Variants in ATAD2B observed in about 807,000 individuals in gnomAD.
ATAD2B encodes ATPase family AAA domain-containing protein 2B.
In ATAD2B, 40 loss-of-function variants were observed where a neutral mutation model predicts 167.6. The ratio of observed to expected loss-of-function variants is 0.24; its 90% CI spans 0.19 to 0.31. ATAD2B has a LOEUF of 0.31. Among genes scored for constraint, ATAD2B ranks in the 10% least tolerant of loss-of-function variants. ATAD2B has a pLI of 1.00. For synonymous variants in ATAD2B, 579 were observed against 596.5 expected, an observed-to-expected ratio of 0.97 and a Z score of 0.43; for missense variants, 1,242 against 1,757.2, an observed-to-expected ratio of 0.71 and a Z score of 5.24.
chr2:23,765,789 T>G (rs1677327215), intron 22 of ATAD2B, among the ~76,000 whole-genome samples, 161 bp from the exon 23 acceptor site: 1 of 152,164 alleles, frequency 6.6e-6, no homozygotes, highest in South Asian at 2.1e-4. Flanking sequence ...TATACTAAGC[T>G]ACTCAGTCAA....
chr2:23,828,425 C>G (rs764818530), intron 15 of ATAD2B, among the ~76,000 whole-genome samples: 1 of 152,148 alleles, frequency 6.6e-6, no homozygotes, highest in Non-Finnish European at 1.5e-5. Flanking sequence ...CAACTTCTTT[C>G]TAGACCACAG....
rs1260995139 is a variant in ATAD2B at position 23,750,074 on chromosome 2, GT to G, written c.*1971del. The G allele has an allele frequency of 6.6e-6, 1 of 152,050 alleles. No individual in the cohort carries two copies. The highest frequency in any genetic ancestry group is 2.4e-5 in the African/African-American group (1 of 41,402). 9.4% of individuals were successfully genotyped at this position (152,050 alleles called of 1,614,324 possible). A position where few individuals can be genotyped will look rare whatever the true frequency, so the allele number is the denominator to read the frequency against. On this transcript the variant is annotated 3_prime_UTR_variant, in exon 28 of 28. Coordinates refer to ENST00000238789, the MANE Select transcript of ATAD2B (RefSeq NM_017552.4). ...TTCCATCAAAATACAAAATGCTAAT[GT>G]ATTAGACAATAAAATAGTTTGAATC...
intron 1 of ATAD2B, among the ~76,000 whole-genome samples, chr2:23,908,166 T>C (rs992364088): frequency 4.6e-5 from 7 of 152,110 alleles, no homozygotes; most frequent in Admixed American, 2.0e-4. Flanking sequence ...AAAGAGCTTC[T>C]GCACAGCAAA....
At chr2:23,899,056 G>A (rs1468136815) in intron 1 of ATAD2B, among the ~76,000 whole-genome samples, 1 of 152,158 alleles carries the variant, frequency 6.6e-6, no homozygotes, top group Non-Finnish European at 1.5e-5. Context: ...GCTGAGGCAG[G>A]AGAATTGCTT....
intron 6 of ATAD2B, among the ~76,000 whole-genome samples, chr2:23,881,234 T>C (rs143900179): frequency 3.7e-4 from 56 of 152,312 alleles, no homozygotes; most frequent in Non-Finnish European, 7.1e-4. Context: ...GTTAGGCCTG[T>C]TGACCACAGT....
the ATAD2B span, among the ~76,000 whole-genome samples, chr2:23,712,553 G>A: frequency 6.6e-6 from 1 of 152,138 alleles, no homozygotes; most frequent in Non-Finnish European, 1.5e-5. Context: ...GGAGAGCAGA[G>A]GAGAGGGGAG....
intron 19 of ATAD2B, among the ~76,000 whole-genome samples, chr2:23,790,332 G>T (rs540742606): frequency 1.3e-5 from 2 of 152,104 alleles, no homozygotes; most frequent in Non-Finnish European, 2.9e-5. Context: ...AAAGACACTA[G>T]GTAAGATGTA....
the ATAD2B span, among the ~76,000 whole-genome samples, chr2:23,731,729 T>C: frequency 6.6e-6 from 1 of 152,336 alleles, no homozygotes; most frequent in African/African-American, 2.4e-5. Flanking sequence ...TTCATGCCTA[T>C]AATCTTTTTG....
the ATAD2B span, among the ~76,000 whole-genome samples, chr2:23,712,694 C>A: frequency 2.0e-5 from 3 of 152,118 alleles, no homozygotes; most frequent in East Asian, 5.8e-4. Flanking sequence ...CTCCAAGAAG[C>A]CTGCTGTTTT....
the ATAD2B span, among the ~76,000 whole-genome samples, chr2:23,700,720 G>A: frequency 3.3e-5 from 5 of 151,972 alleles, no homozygotes; most frequent in South Asian, 4.2e-4. This position sits in a 1 kb window ranked among gnomAD's most constrained non-coding sequence, Gnocchi z 4.6. Flanking sequence ...CTACACCCAC[G>A]GTCTCCACTG....
chr2:23,708,153 A>G, the ATAD2B span: 1 of 152,236 alleles, frequency 6.6e-6, no homozygotes, highest in South Asian at 2.1e-4. Flanking sequence ...ATGACACAAA[A>G]TTCCAGTTCT....
chr2:23,822,990 TTATTATTAC>T (rs1687696345), intron 16 of ATAD2B, among the ~76,000 whole-genome samples: 1 of 151,086 alleles, frequency 6.6e-6, no homozygotes. Flanking sequence ...CCTATTATTA[TTATTATTAC>T]AGTCAACTTT....
the ATAD2B span, chr2:23,696,240 G>A: frequency 4.0e-6 from 6 of 1,492,538 alleles, no homozygotes; most frequent in African/African-American, 1.4e-5. This position sits in a 1 kb window ranked among gnomAD's most constrained non-coding sequence, Gnocchi z 5.5. Context: ...CTACTTTGCA[G>A]GTGAAGCCTT....
chr2:23,773,582 T>G (rs572652998), intron 22 of ATAD2B, among the ~76,000 whole-genome samples: 1 of 152,350 alleles, frequency 6.6e-6, no homozygotes, highest in South Asian at 2.1e-4. Flanking sequence ...TAATTTTGTT[T>G]GTGGATTCAG....
chr2:23,719,209 C>T, the ATAD2B span, among the ~76,000 whole-genome samples: 2 of 151,944 alleles, frequency 1.3e-5, no homozygotes, highest in African/African-American at 2.4e-5. Flanking sequence ...TCTGCTAAAA[C>T]AAAAAAGGTC....
At chr2:23,680,702 G>A in the ATAD2B span, among the ~76,000 whole-genome samples, 4 of 151,356 alleles carry the variant, frequency 2.6e-5, no homozygotes, top group Non-Finnish European at 5.9e-5. This position sits in a 1 kb window ranked among gnomAD's most constrained non-coding sequence, Gnocchi z 4.1. Flanking sequence ...GGGGTCTCTA[G>A]GCCATCTTCC....
intron 8 of ATAD2B, among the ~76,000 whole-genome samples, chr2:23,874,693 C>T (rs1285053983): frequency 3.6e-5 from 5 of 139,478 alleles, no homozygotes; most frequent in Non-Finnish European, 7.8e-5. Context: ...GACCCTGTCT[C>T]AAAAAAAAAA....
intron 2 of ATAD2B, among the ~76,000 whole-genome samples, chr2:23,890,682 T>C (rs529338519): frequency 6.6e-6 from 1 of 152,320 alleles, no homozygotes; most frequent in East Asian, 1.9e-4. Context: ...AGCCAAATGG[T>C]TGGAATTTCA....
intron 22 of ATAD2B, among the ~76,000 whole-genome samples, chr2:23,771,748 G>T (rs1291685247): frequency 1.3e-5 from 2 of 152,082 alleles, no homozygotes; most frequent in Non-Finnish European, 2.9e-5. Context: ...CGGCCCCTGT[G>T]TGAACTTTAA....
Sources: gnomAD v4.1 joint callset for allele counts (sites outside exome capture counted in the v4.1 genomes callset) on GRCh38, gnomAD v4.1.1 for gene constraint, Gnocchi (gnomAD v3.1) non-coding constraint, MANE v1.5 for transcripts, NCBI Gene and HGNC (gene_info 2026-07-23, HGNC 2026-07-21) for gene names.